SPTLC1: variants seen among roughly 807,000 people sequenced by gnomAD.
The protein encoded by SPTLC1 is serine palmitoyltransferase long chain base subunit 1, also known as serine palmitoyltransferase 1.
In SPTLC1, 55 loss-of-function variants were observed where a neutral mutation model predicts 68.9. The ratio of observed to expected loss-of-function variants is 0.80; its 90% CI spans 0.64 to 1.00. The LOEUF is 1.00. SPTLC1 is among the 50% of genes least tolerant of loss of function. The probability of loss-of-function intolerance (pLI) is 0.00; values close to 1 mark genes in which losing one functional copy is unlikely to be tolerated. For synonymous variants in SPTLC1, 197 were observed against 201.6 expected, an observed-to-expected ratio of 0.98 and a Z score of 0.19; for missense variants, 449 against 573.1, an observed-to-expected ratio of 0.78 and a Z score of 2.21.
At chr9:92,054,791 T>A (rs1484579604) in intron 8 of SPTLC1, among the ~76,000 whole-genome samples, 1 of 152,092 alleles carries the variant, frequency 6.6e-6, no homozygotes, top group Non-Finnish European at 1.5e-5. Flanking sequence ...CGCACGCCTA[T>A]AGTTCCAGCT....
intron 3 of SPTLC1, chr9:92,104,404 G>C: frequency 1.4e-6 from 2 of 1,390,490 alleles, no homozygotes; most frequent in Middle Eastern, 1.9e-4. Context: ...TTCTTTTCCA[G>C]TCAGGTGGGA....
Position 92,046,140 on chromosome 9 carries a change from C to T in SPTLC1, c.1082-87G>A, listed in dbSNP as rs1048055678. The T allele has an allele frequency of 8.9e-6, 10 of 1,118,600 alleles. No individual in the cohort carries two copies. The African/African-American group carries it at 1.5e-4, about 17-fold the overall frequency. 69.3% of individuals were successfully genotyped at this position (1,118,600 alleles called of 1,614,324 possible). A position where few individuals can be genotyped will look rare whatever the true frequency, so the allele number is the denominator to read the frequency against. On this transcript the variant is annotated intron_variant, in intron 11 of 14. Coordinates refer to ENST00000262554, the MANE Select transcript of SPTLC1 (RefSeq NM_006415.4). The stretch of plus-strand genomic sequence containing the variant: ...TATTTTTGAAGACCCAGATCAAGTT[C>T]ATCAATTTAAAATGCTACAAATCCT...
intron 3 of SPTLC1, among the ~76,000 whole-genome samples, chr9:92,082,368 C>G (rs934273183): frequency 1.3e-5 from 2 of 150,402 alleles, no homozygotes; most frequent in African/African-American, 4.9e-5. Context: ...TTAGGTATAT[C>G]TCCTAATGCT....
chr9:92,112,561 G>A lies in SPTLC1; in HGVS notation c.59C>T (p.Ala20Val). 6.3e-7 allele frequency: 1 copy of A among 1,593,924 alleles called. No homozygotes were observed. The change falls in exon 2 of 15, where the codon GCT (alanine) becomes GTT (valine). Residue 20 changes from alanine to valine, a missense_variant and splice_region_variant. Physicochemically the swap from Ala to Val is moderately conservative, Grantham distance 64. Coordinates refer to ENST00000262554, the MANE Select transcript of SPTLC1 (RefSeq NM_006415.4). ...LVEMVQALYE[A>V]PAYHLILEGI... ...TTCCAAAATAAGATGGTAAGCAGGA[G>A]CCTAAGAGTGAGTCAAAAACAAGTA...
intron 5 of SPTLC1, among the ~76,000 whole-genome samples, chr9:92,071,123 C>A (rs1023327035): frequency 3.3e-5 from 5 of 150,950 alleles, no homozygotes; most frequent in Non-Finnish European, 7.4e-5. Flanking sequence ...GGTGTGGCGG[C>A]TCACACCTGT....
At chr9:92,103,880 G>A (rs58224960) in intron 3 of SPTLC1, among the ~76,000 whole-genome samples, 16,328 of 152,246 alleles carry the variant, frequency 0.11, 1,889 homozygotes, top group African/African-American at 0.3. Context: ...TGGCTCTGGC[G>A]GATCAGCCCC....
chr9:92,102,399 T>C (rs1446289531), intron 3 of SPTLC1, among the ~76,000 whole-genome samples: 3 of 152,240 alleles, frequency 2.0e-5, no homozygotes, highest in Non-Finnish European at 2.9e-5. Context: ...ATTAATGCTT[T>C]AGAATCTTTC....
intron 3 of SPTLC1, chr9:92,105,342 G>A (rs1200635787): frequency 7.9e-5 from 120 of 1,518,370 alleles, no homozygotes; most frequent in East Asian, 2.2e-4. Context: ...GGCAACATGC[G>A]TAAGAACATG....
chr9:92,069,487 G>A (rs763691789), intron 5 of SPTLC1, among the ~76,000 whole-genome samples: 22 of 152,232 alleles, frequency 1.4e-4, no homozygotes, highest in Middle Eastern at 6.8e-3. Flanking sequence ...GGTGATCTTC[G>A]AGTATAAGAC....
chr9:92,079,501 A>T, intron 5 of SPTLC1: 1 of 1,613,658 alleles, frequency 6.2e-7, no homozygotes, highest in Non-Finnish European at 8.5e-7. Context: ...ACATTCATCA[A>T]ATATTTAGTT....
intron 3 of SPTLC1, among the ~76,000 whole-genome samples, chr9:92,095,979 C>G (rs1033859440): frequency 6.6e-6 from 1 of 152,182 alleles, no homozygotes; most frequent in Admixed American, 6.5e-5. Flanking sequence ...GAAGTGCTCT[C>G]TGGAGAGGCT....
intron 2 of SPTLC1, chr9:92,109,899 G>C (rs538641376): frequency 6.6e-6 from 1 of 152,390 alleles, no homozygotes; most frequent in Non-Finnish European, 1.5e-5. Context: ...CTTGAACCTG[G>C]GAGGCGGAGG....
chr9:92,046,108 C>G (rs1833505549), intron 11 of SPTLC1, 55 bp from the exon 12 acceptor site: 2 of 1,435,810 alleles, frequency 1.4e-6, no homozygotes, highest in African/African-American at 2.8e-5. Flanking sequence ...TAGTACTAAC[C>G]TAAAAATATT....
chr9:92,046,120 T>C (rs993593789), intron 11 of SPTLC1, 67 bp from the exon 12 acceptor site: 74 of 1,300,774 alleles, frequency 5.7e-5, no homozygotes, highest in Non-Finnish European at 7.7e-5. Flanking sequence ...AAAAATATTT[T>C]TGAAGACCCA....
intron 12 of SPTLC1, among the ~76,000 whole-genome samples, chr9:92,045,095 A>C (rs905741558): frequency 3.9e-5 from 6 of 152,224 alleles, no homozygotes; most frequent in African/African-American, 1.4e-4. Context: ...AACTGCTGTT[A>C]CTATCACACA....
In SPTLC1 at chr9:92,068,069, C is replaced by A. The variant is rs527406013; in HGVS notation, c.457G>T (p.Ala153Ser). ...DVHLDLEDRLAKFMKTEEAII... is the reference protein window; with the variant it reads ...DVHLDLEDRLSKFMKTEEAII... ...GCTTCTTCTGTCTTCATAAATTTTG[C>A]CAGGCGGTCTTCCAAATCCAAATGA... Residue 153 changes from alanine (A) to serine (S), a missense_variant, in exon 6 of 15, where the codon GCA (alanine) becomes TCA (serine). Around this residue, in one of 3 missense-constraint regions of SPTLC1, gnomAD observed 391 missense variants for 472.1 expected, o/e 0.83. Transcript: ENST00000262554. 22 of 1,613,942 alleles carry A rather than the reference C, an allele frequency of 1.4e-5. No individual in the cohort carries two copies. Among genetic ancestry groups the A allele is most frequent in the Non-Finnish European group, 1.9e-5 (22 of 1,179,942 alleles).
At position 92,032,396 on chromosome 9, in the gene SPTLC1, A is replaced by G. The variant is rs1471437222; in HGVS notation, c.*69T>C. 2 of 1,612,294 alleles carry G rather than the reference A, an allele frequency of 1.2e-6. No homozygotes were observed. ...TTCTTGCTCTCTTTCAGGCCACTCC[A>G]TGGCCAGCGGGAGTCTTGAGTCCTC... On this transcript the variant is annotated 3_prime_UTR_variant, in exon 15 of 15. Transcript: ENST00000262554.
At chr9:92,112,433 A>G (rs1836281711) in intron 2 of SPTLC1, 22 bp downstream of exon 2, 2 of 1,518,226 alleles carry the variant, frequency 1.3e-6, no homozygotes. Context: ...CCAATAATTA[A>G]AACAGAGATT....
intron 3 of SPTLC1, 70 bp from the exon 4 acceptor site, chr9:92,081,033 G>A: frequency 8.4e-7 from 1 of 1,193,646 alleles, no homozygotes. Flanking sequence ...TACCTTGGTG[G>A]TAGGCACAAC....
Sources: gnomAD v4.1 joint callset for allele counts (sites outside exome capture counted in the v4.1 genomes callset) on GRCh38, gnomAD v4.1.1 for gene constraint, gnomAD v4.1.1 regional missense constraint, MANE v1.5 for transcripts, NCBI Gene and HGNC (gene_info 2026-07-23, HGNC 2026-07-21) for gene names.